Variants in BCR observed in about 807,000 individuals in gnomAD.
BCR encodes the protein breakpoint cluster region protein.
In BCR, 58 loss-of-function variants were observed where a neutral mutation model predicts 138.6. The observed-to-expected ratio is 0.42, with a 90% CI of 0.34 to 0.52. The LOEUF (loss-of-function observed/expected upper bound fraction) is 0.52, where lower values mean the gene tolerates loss of function less well. Ranked by LOEUF, BCR falls within the 20% of genes least tolerant of loss-of-function variation. The pLI is 0.06. For synonymous variants in BCR, 786 were observed against 730.1 expected (o/e 1.08, Z -1.23); for missense variants, 1,599 against 1,727.2 (o/e 0.93, Z 1.32).
At chr22:23,262,618 C>A (rs2073374560) in intron 4 of BCR, 1 of 229,626 alleles carries the variant, frequency 4.4e-6, no homozygotes, top group South Asian at 1.6e-4. Flanking sequence ...GTGGCTCGGG[C>A]TGGGCTCCGC....
intron 2 of BCR, among the ~76,000 whole-genome samples, chr22:23,257,375 G>C (rs954461549): frequency 3.3e-5 from 5 of 152,232 alleles, no homozygotes; most frequent in Non-Finnish European, 7.3e-5. Context: ...CATGTGGACA[G>C]AACGAGACAC....
intron 10 of BCR, 73 bp downstream of exon 10, chr22:23,285,274 G>C (rs1440497642): frequency 6.7e-7 from 1 of 1,493,578 alleles, no homozygotes; most frequent in East Asian, 2.5e-5. Context: ...CGGCCAGTGG[G>C]TGCTTTCTCC....
At chr22:23,311,324 G>A (rs1164733969) in intron 18 of BCR, among the ~76,000 whole-genome samples, 8 of 150,160 alleles carry the variant, frequency 5.3e-5, no homozygotes, top group African/African-American at 7.4e-5. Context: ...CACACAGCAC[G>A]TGGGTGGCAG....
intron 1 of BCR, among the ~76,000 whole-genome samples, chr22:23,250,193 C>G (rs978708734): frequency 6.6e-6 from 1 of 152,168 alleles, no homozygotes; most frequent in African/African-American, 2.4e-5. Flanking sequence ...GAAGTTCTTG[C>G]TGGGCTGACT....
At chr22:23,241,492 C>G (rs1421564359) in intron 1 of BCR, among the ~76,000 whole-genome samples, 1 of 149,210 alleles carries the variant, frequency 6.7e-6, no homozygotes. Context: ...CCCCATGCTG[C>G]TCCCACACCA....
chr22:23,205,019 C>T (rs2072595550), intron 1 of BCR, among the ~76,000 whole-genome samples: 1 of 152,220 alleles, frequency 6.6e-6, no homozygotes, highest in Admixed American at 6.5e-5. Flanking sequence ...GGGAGGAGCA[C>T]ATTAGGTACT....
At chr22:23,223,347 T>C (rs1240277483) in intron 1 of BCR, among the ~76,000 whole-genome samples, 1 of 152,176 alleles carries the variant, frequency 6.6e-6, no homozygotes, top group African/African-American at 2.4e-5. Flanking sequence ...CAAGTGTCCA[T>C]GTATGGCTGT....
At chr22:23,245,715 A>C (rs527423834) in intron 1 of BCR, among the ~76,000 whole-genome samples, 10 of 151,898 alleles carry the variant, frequency 6.6e-5, no homozygotes, top group Non-Finnish European at 1.5e-4. Flanking sequence ...GGCGGTACTG[A>C]TGTCCATCCG....
chr22:23,193,146 T>C (rs1025716723), intron 1 of BCR, among the ~76,000 whole-genome samples: 1 of 152,250 alleles, frequency 6.6e-6, no homozygotes, highest in South Asian at 2.1e-4. Flanking sequence ...TTTAAAGTGC[T>C]GCTGGGGTCA....
intron 1 of BCR, among the ~76,000 whole-genome samples, chr22:23,192,836 T>C: frequency 6.6e-6 from 1 of 152,112 alleles, no homozygotes; most frequent in East Asian, 1.9e-4. Context: ...GCTGGGAAGA[T>C]GTAGCGGAGA....
Position 23,181,702 on chromosome 22 carries a change from G to T in BCR, c.742G>T (p.Asp248Tyr). The change falls in exon 1 of 23, where the codon GAC becomes TAC. Residue 248 changes from aspartate to tyrosine, a missense_variant. Coordinates refer to ENST00000305877, the MANE Select transcript of BCR (RefSeq NM_004327.4). The part of the protein sequence containing the change: ...SSCGVDGDYE[D>Y]AELNPRFLKD... ...CTGCGGCGTCGACGGCGACTACGAG[G>T]ACGCCGAGTTGAACCCCCGCTTCCT... The T allele has an allele frequency of 1.2e-6, 2 of 1,604,626 alleles. No homozygotes were observed. The highest frequency in any genetic ancestry group is 1.7e-6 in the Non-Finnish European group (2 of 1,179,928).
Position 23,314,078 on chromosome 22 carries a change from C to T in BCR, c.3563+5C>T, listed in dbSNP as rs768226303. On this transcript the variant is annotated splice_donor_5th_base_variant and intron_variant, in intron 21 of 22. Transcript: ENST00000305877. ...CCTTCTGGACCACCTGAAAAGGTAG[C>T]CCAGCTCTCCCATGGCAGCCCAGGG... 6.2e-7 allele frequency: 1 copy of T among 1,609,828 alleles called. No homozygotes were observed. Among genetic ancestry groups the T allele is most frequent in the Non-Finnish European group, 8.5e-7 (1 of 1,177,328 alleles).
intron 22 of BCR, 43 bp from the exon 23 acceptor site, chr22:23,315,390 C>A: frequency 3.2e-6 from 5 of 1,585,604 alleles, no homozygotes; most frequent in Non-Finnish European, 4.3e-6. Flanking sequence ...AGCTGTGAGC[C>A]CCGCTCTGAG....
chr22:23,203,120 C>A (rs560893092), intron 1 of BCR, among the ~76,000 whole-genome samples: 1 of 152,262 alleles, frequency 6.6e-6, no homozygotes, highest in Non-Finnish European at 1.5e-5. Flanking sequence ...TTGGCTTCTC[C>A]TGAAGTGCTG....
At chr22:23,196,226 C>T (rs1036544450) in intron 1 of BCR, among the ~76,000 whole-genome samples, 2 of 152,106 alleles carry the variant, frequency 1.3e-5, no homozygotes, top group African/African-American at 2.4e-5. Flanking sequence ...TTTTTCAGTG[C>T]CAGCGTCCCT....
intron 1 of BCR, among the ~76,000 whole-genome samples, chr22:23,182,737 T>G (rs1340809133): frequency 6.6e-6 from 1 of 152,198 alleles, no homozygotes; most frequent in East Asian, 1.9e-4. Flanking sequence ...AAACCTGAGA[T>G]ATGCTAGCTG....
intron 1 of BCR, among the ~76,000 whole-genome samples, chr22:23,232,487 C>T (rs1602043278): frequency 6.6e-6 from 1 of 152,296 alleles, no homozygotes; most frequent in East Asian, 1.9e-4. Context: ...GGGTGCCTGG[C>T]TCTTTGGGAG....
chr22:23,214,577 G>A (rs931255370), intron 1 of BCR, among the ~76,000 whole-genome samples: 8 of 152,176 alleles, frequency 5.3e-5, no homozygotes, highest in African/African-American at 9.7e-5. Context: ...TTCGTGCTTC[G>A]TGTGCCCTCC....
rs1272956851 is a variant in BCR, at chr22:23,207,640, A to C, written c.1279+25401A>C. ...CCTGTCTCTGAAAAACAAAACAAAC[A>C]AAAGGAGTATGTTAGGCCATTGTAG... On this transcript the variant is annotated intron_variant, in intron 1 of 22. Transcript: ENST00000305877. Among the ~76,000 whole-genome samples the C allele has an allele frequency of 2.0e-5, 3 of 152,122 alleles. No homozygotes were observed. The East Asian group carries it at 5.8e-4, about 29-fold the overall frequency.
Sources: gnomAD v4.1 joint callset for allele counts (sites outside exome capture counted in the v4.1 genomes callset) on GRCh38, gnomAD v4.1.1 for gene constraint, MANE v1.5 for transcripts, NCBI Gene and HGNC (gene_info 2026-07-23, HGNC 2026-07-21) for gene names.